Variants in IWS1 observed in about 807,000 individuals in gnomAD.
IWS1 encodes interacts with SUPT6H, CTD assembly factor 1, also known as protein IWS1 homolog.
In IWS1, 27 loss-of-function variants were observed where a neutral mutation model predicts 86.7. The observed-to-expected ratio is 0.31, with a 90% confidence interval of 0.23 to 0.43. IWS1 has a LOEUF of 0.43. Among genes scored for constraint, IWS1 ranks in the 20% least tolerant of loss-of-function variants. The pLI is 1.00. For synonymous variants in IWS1, 313 were observed against 335.1 expected (o/e 0.93, Z 0.72); for missense variants, 827 against 1,000.8 (o/e 0.83, Z 2.34).
Position 127,499,485 on chromosome 2 carries a change from G to C in IWS1, c.1468-1248C>G, listed in dbSNP as rs1300666361. ...AGAGGCTTTCTCAATGGTTCACCTAGTACAATTTTTTTCTAACTGAACTGA... is the reference window on the plus strand; with the variant it reads ...AGAGGCTTTCTCAATGGTTCACCTACTACAATTTTTTTCTAACTGAACTGA... On this transcript the variant is annotated intron_variant, in intron 5 of 13. Transcript: ENST00000295321. This position sits in a 1 kb window ranked among gnomAD's most constrained non-coding sequence, Gnocchi z 4.0. 6.6e-6 allele frequency among the ~76,000 whole-genome samples: 1 copy of C among 152,228 alleles called. No homozygotes were observed. The highest frequency in any genetic ancestry group is 1.9e-4 in the East Asian group (1 of 5,178).
Position 127,504,834 on chromosome 2 carries a change from T to G in IWS1, c.1069A>C (p.Arg357=). 2 of 1,614,252 alleles carry G rather than the reference T, an allele frequency of 1.2e-6. No homozygotes were observed. Among genetic ancestry groups the G allele is most frequent in the South Asian group, 2.2e-5 (2 of 91,088 alleles). ...DSFHSDSHMD[R]KKFHSSDSEE... is the part of the protein sequence containing the mutation. Reference sequence around the variant, plus strand: ...CTATCAGAACTGTGAAACTTTTTTCTGTCCATATGGCTGTCTGAATGGAAG... The same window carrying G: ...CTATCAGAACTGTGAAACTTTTTTCGGTCCATATGGCTGTCTGAATGGAAG... Residue 357 remains arginine, a synonymous_variant, in exon 3 of 14, where the codon AGA becomes CGA. Coordinates refer to ENST00000295321, the MANE Select transcript of IWS1 (RefSeq NM_017969.3).
chr2:127,492,935 C>T (rs80329588), intron 9 of IWS1: 3,396 of 163,512 alleles, frequency 0.021, 128 homozygotes, highest in African/African-American at 0.076. Flanking sequence ...GTCACAACTA[C>T]GTAAGGTGGC....
chr2:127,526,497 A>G (rs17522960), upstream of IWS1: 107,949 of 1,507,378 alleles, frequency 0.072, 6,379 homozygotes, highest in African/African-American at 0.26. Context: ...TCTGCCCACG[A>G]CCCTCAAAGG....
In IWS1 at chr2:127,499,459, T is replaced by C. The variant is rs1254984397; in HGVS notation, c.1468-1222A>G. 6.6e-6 allele frequency among the ~76,000 whole-genome samples: 1 copy of C among 152,232 alleles called. No homozygotes were observed. The highest frequency in any genetic ancestry group is 2.1e-4 in the South Asian group (1 of 4,834). ...TAGTGTCTACCTTTTGTGTTATACT[T>C]AGAGGCTTTCTCAATGGTTCACCTA... On this transcript the variant is annotated intron_variant, in intron 5 of 13. Coordinates refer to ENST00000295321, the MANE Select transcript of IWS1 (RefSeq NM_017969.3). This position sits in a 1 kb window ranked among gnomAD's most constrained non-coding sequence, Gnocchi z 4.0.
In IWS1 at chr2:127,486,623, C is replaced by T; in HGVS notation, c.2258G>A (p.Arg753Lys). The change falls in exon 13 of 14, where the codon AGG (arginine) becomes AAG (lysine). Residue 753 changes from arginine (R) to lysine (K), a missense_variant. By Grantham distance (26) the Arg-to-Lys change is conservative. Coordinates refer to ENST00000295321, the MANE Select transcript of IWS1 (RefSeq NM_017969.3). The part of the protein sequence containing the change: ...PGDPGFCARA[R>K]VPMPSNKDYV... The stretch of plus-strand genomic sequence containing the variant: ...GTCCTTGTTTGAAGGCATTGGGACC[C>T]TTGCACGGGCACAGAATCCAGGATC... 1 of 1,614,134 alleles carries T rather than the reference C, an allele frequency of 6.2e-7. No individual in the cohort carries two copies.
intron 13 of IWS1, among the ~76,000 whole-genome samples, chr2:127,483,180 T>C (rs1002149029): frequency 5.3e-5 from 8 of 152,236 alleles, no homozygotes; most frequent in African/African-American, 1.9e-4. Context: ...TTTTAAAAGT[T>C]CATGAAAAAA....
intron 10 of IWS1, among the ~76,000 whole-genome samples, chr2:127,491,493 G>A (rs1163147725): frequency 1.3e-5 from 2 of 151,968 alleles, no homozygotes; most frequent in African/African-American, 4.8e-5. Flanking sequence ...GCCCAGGCTG[G>A]AGTGCAGTGG....
chr2:127,499,815 A>G lies in IWS1; in HGVS notation c.1468-1578T>C, dbSNP rs951940903. Among the ~76,000 whole-genome samples the G allele has an allele frequency of 3.3e-5, 5 of 152,170 alleles. No individual in the cohort carries two copies. The highest frequency in any genetic ancestry group is 1.2e-4 in the African/African-American group (5 of 41,428). Reference sequence around the variant, plus strand: ...TTTCTGAGCGGCAAACAGATTGGAAAATATATACAGACACTTGATATATGA... The same window carrying G: ...TTTCTGAGCGGCAAACAGATTGGAAGATATATACAGACACTTGATATATGA... On this transcript the variant is annotated intron_variant, in intron 5 of 13. Transcript: ENST00000295321. This position sits in a 1 kb window ranked among gnomAD's most constrained non-coding sequence, Gnocchi z 4.0.
chr2:127,506,653 C>T (rs1168983366), intron 2 of IWS1: 2 of 167,566 alleles, frequency 1.2e-5, no homozygotes, highest in East Asian at 1.9e-4. Flanking sequence ...ATTTACTCCT[C>T]ATAATGGTAC....
chr2:127,492,126 CG>C, intron 9 of IWS1, 38 bp from the exon 10 acceptor site: 3 of 1,340,434 alleles, frequency 2.2e-6, no homozygotes, highest in Non-Finnish European at 3.2e-6. Context: ...ATTAATCACT[CG>C]GAAGCTGGGG....
intron 13 of IWS1, among the ~76,000 whole-genome samples, chr2:127,483,571 C>CAG (rs1553431164): frequency 5.0e-5 from 1 of 20,188 alleles, no homozygotes; most frequent in East Asian, 1.6e-3. Flanking sequence ...ATAATTTGGT[C>CAG]GGGGCGGGGG....
intron 10 of IWS1, among the ~76,000 whole-genome samples, chr2:127,490,222 C>T (rs1278849055): frequency 6.6e-6 from 1 of 152,112 alleles, no homozygotes; most frequent in Non-Finnish European, 1.5e-5. Context: ...GCTGGATTGA[C>T]ATTTCATAAA....
chr2:127,502,953 A>G (rs1690897798), intron 4 of IWS1, 81 bp from the exon 5 acceptor site: 5 of 798,626 alleles, frequency 6.3e-6, no homozygotes, highest in Non-Finnish European at 1.1e-5. Flanking sequence ...AATAGAATTT[A>G]TGTACAGTAA....
At position 127,486,660 on chromosome 2, in the gene IWS1, G is replaced by C; in HGVS notation, c.2221C>G (p.Leu741Val). The C allele has an allele frequency of 6.2e-7, 1 of 1,613,212 alleles. No individual in the cohort carries two copies. Among genetic ancestry groups the C allele is most frequent in the African/African-American group, 1.3e-5 (1 of 75,034 alleles). ...EKVLTGEEKA[L>V]RPGDPGFCAR... ...CAGAATCCAGGATCTCCAGGTCTAA[G>C]AGCCCTGAAAAAGGGAAGAGGAAGA... Residue 741 changes from leucine (L) to valine (V), a missense_variant, in exon 13 of 14, where the codon CTT becomes GTT. Transcript: ENST00000295321.
chr2:127,524,082 T>C (rs1310315893), intron 1 of IWS1, among the ~76,000 whole-genome samples: 3 of 152,216 alleles, frequency 2.0e-5, no homozygotes, highest in Non-Finnish European at 4.4e-5. Context: ...CATGTTAAAA[T>C]TGGGTCTTTC....
intron 13 of IWS1, among the ~76,000 whole-genome samples, chr2:127,483,571 C>G (rs1454089492): frequency 9.9e-5 from 2 of 20,172 alleles, no homozygotes; most frequent in South Asian, 1.7e-3. Flanking sequence ...ATAATTTGGT[C>G]GGGGCGGGGG....
At chr2:127,504,648 A>G (rs1691014911) in intron 3 of IWS1, 36 bp downstream of exon 3, 2 of 1,402,874 alleles carry the variant, frequency 1.4e-6, no homozygotes, top group Middle Eastern at 3.7e-4. Flanking sequence ...GACAATGAAT[A>G]AAGCCATTGA....
At chr2:127,523,230 T>C (rs1475026513) in intron 2 of IWS1, among the ~76,000 whole-genome samples, 3 of 152,098 alleles carry the variant, frequency 2.0e-5, no homozygotes, top group Non-Finnish European at 4.4e-5. Flanking sequence ...GCATTATTAT[T>C]ACATACATTA....
At chr2:127,504,544 G>T in intron 3 of IWS1, 140 bp downstream of exon 3, 1 of 667,680 alleles carries the variant, frequency 1.5e-6, no homozygotes, top group Non-Finnish European at 2.6e-6. Flanking sequence ...CAGGGGAAAT[G>T]AGTGTCCTAC....
Sources: gnomAD v4.1 joint callset for allele counts (sites outside exome capture counted in the v4.1 genomes callset) on GRCh38, gnomAD v4.1.1 for gene constraint, Gnocchi (gnomAD v3.1) non-coding constraint, MANE v1.5 for transcripts, NCBI Gene and HGNC (gene_info 2026-07-23, HGNC 2026-07-21) for gene names.